The following MYO16 variants were observed in gnomAD, a reference collection of about 807,000 sequenced individuals.
The protein encoded by MYO16 is unconventional myosin-XVI.
In MYO16, 94 loss-of-function variants were observed where a neutral mutation model predicts 205.3. The observed-to-expected ratio is 0.46, with a 90% confidence interval of 0.39 to 0.54. The LOEUF is 0.54. Among genes scored for constraint, MYO16 ranks in the 20% least tolerant of loss-of-function variants. The pLI, the probability that MYO16 is intolerant of heterozygous loss-of-function variation, is 0.00. For missense variants in MYO16, 2,315 were observed against 2,387.5 expected (o/e 0.97, Z 0.63); for synonymous variants, 988 against 954.0 (o/e 1.04, Z -0.66).
chr13:109,031,341 C>T (rs558938547), intron 23 of MYO16, among the ~76,000 whole-genome samples: 73 of 152,262 alleles, frequency 4.8e-4, no homozygotes, highest in African/African-American at 1.6e-3. Flanking sequence ...ATCCACCTGC[C>T]TTGGCCTCCC....
chr13:108,866,636 A>G (rs1317766102), intron 12 of MYO16, among the ~76,000 whole-genome samples: 7 of 152,238 alleles, frequency 4.6e-5, no homozygotes, highest in Admixed American at 4.6e-4. Flanking sequence ...AAAGGGTAAT[A>G]TTGCATGTTT....
chr13:108,712,353 T>C (rs938401740), intron 2 of MYO16, among the ~76,000 whole-genome samples: 1 of 152,254 alleles, frequency 6.6e-6, no homozygotes, highest in Non-Finnish European at 1.5e-5. Context: ...ATCATTTTGC[T>C]TTTCTGTTCT....
chr13:108,907,092 GGGTGAGACAT>G (rs1261564425), intron 15 of MYO16, among the ~76,000 whole-genome samples: 5 of 152,138 alleles, frequency 3.3e-5, no homozygotes, highest in African/African-American at 1.2e-4. Context: ...ATAACTAGAT[GGGTGAGACAT>G]GGTGAGAGTG....
At chr13:108,522,674 T>C in the MYO16 span, among the ~76,000 whole-genome samples, 1 of 152,148 alleles carries the variant, frequency 6.6e-6, no homozygotes, top group Non-Finnish European at 1.5e-5. Flanking sequence ...CTTTCCTACC[T>C]TCTGGTGACT....
chr13:108,945,972 C>A (rs1882923948), intron 16 of MYO16, among the ~76,000 whole-genome samples: 1 of 152,206 alleles, frequency 6.6e-6, no homozygotes, highest in Non-Finnish European at 1.5e-5. Context: ...TGAAGCCAGA[C>A]TTCTGAGCTG....
chr13:108,876,286 A>G (rs1879320843), intron 12 of MYO16, among the ~76,000 whole-genome samples: 1 of 152,188 alleles, frequency 6.6e-6, no homozygotes, highest in African/African-American at 2.4e-5. Context: ...TTTTAAAAAC[A>G]TTTAAAATTA....
At position 108,812,630 on chromosome 13, in the gene MYO16, A is replaced by G. The variant is rs372089683; in HGVS notation, c.867+5826A>G. Among the ~76,000 whole-genome samples, 202 of 152,326 alleles carry G rather than the reference A, an allele frequency of 1.3e-3. 1 individual carries two copies. Among genetic ancestry groups the G allele is most frequent in the African/African-American group, 4.7e-3 (196 of 41,574 alleles). ...AATGAAAGGGATTTCAACCAAAGGC[A>G]ATATCTTGTGAGCAACACCGTATTT... is the stretch of plus-strand genomic sequence containing the variant. On this transcript the variant is annotated intron_variant, in intron 7 of 34. Transcript: ENST00000457511.
chr13:108,785,039 A>C (rs985423471), intron 4 of MYO16, among the ~76,000 whole-genome samples: 1 of 152,184 alleles, frequency 6.6e-6, no homozygotes, highest in African/African-American at 2.4e-5. Context: ...GGCCATATTT[A>C]ATACAGTCAG....
intron 9 of MYO16, among the ~76,000 whole-genome samples, chr13:108,835,130 A>G (rs1594330699): frequency 6.6e-6 from 1 of 152,036 alleles, no homozygotes; most frequent in Non-Finnish European, 1.5e-5. Flanking sequence ...TATGGTTTAG[A>G]TGTGTCCCCA....
intron 27 of MYO16, among the ~76,000 whole-genome samples, chr13:109,078,801 C>T (rs927499928): frequency 6.6e-6 from 1 of 152,114 alleles, no homozygotes; most frequent in Non-Finnish European, 1.5e-5. Context: ...GCAAAACAAT[C>T]GAGTTTTGTA....
intron 4 of MYO16, among the ~76,000 whole-genome samples, chr13:108,753,385 A>G (rs1885314875): frequency 6.6e-6 from 1 of 150,470 alleles, no homozygotes. Context: ...AAAAAAAAAA[A>G]AAAAAAAAAA....
At chr13:109,200,756 C>T (rs746666747) in intron 34 of MYO16, among the ~76,000 whole-genome samples, 2 of 151,292 alleles carry the variant, frequency 1.3e-5, no homozygotes, top group Admixed American at 1.3e-4. Flanking sequence ...AAGTCACTCT[C>T]AGCAGATTGG....
At chr13:108,972,577 T>A (rs1015796722) in intron 20 of MYO16, among the ~76,000 whole-genome samples, 2 of 150,278 alleles carry the variant, frequency 1.3e-5, no homozygotes, top group Non-Finnish European at 3.0e-5. Flanking sequence ...GATATTTTGT[T>A]CTTGGGAAAT....
At chr13:109,145,370 G>A (rs80022865) in intron 32 of MYO16, among the ~76,000 whole-genome samples, 8 of 149,396 alleles carry the variant, frequency 5.4e-5, no homozygotes, top group Non-Finnish European at 7.4e-5. Flanking sequence ...AAAAGAGACA[G>A]AAAAAAAAAA....
chr13:108,602,100 TGAAA>T (rs777843496), intron 1 of MYO16, among the ~76,000 whole-genome samples: 1 of 39,968 alleles, frequency 2.5e-5, no homozygotes, highest in Admixed American at 3.4e-4. Flanking sequence ...GAGGATATGA[TGAAA>T]AAAAAAAAAA....
At chr13:108,722,503 G>A (rs967800139) in intron 3 of MYO16, among the ~76,000 whole-genome samples, 3 of 152,130 alleles carry the variant, frequency 2.0e-5, no homozygotes, top group African/African-American at 7.2e-5. Flanking sequence ...GAGAGGGGCT[G>A]ATATCACTTT....
chr13:108,561,175 A>G, the MYO16 span, among the ~76,000 whole-genome samples: 1 of 152,232 alleles, frequency 6.6e-6, no homozygotes, highest in Admixed American at 6.5e-5. Flanking sequence ...AATGCAGTTT[A>G]TATTAACAAA....
intron 13 of MYO16, among the ~76,000 whole-genome samples, chr13:108,886,105 A>AGCCT (rs1354365065): frequency 3.3e-5 from 5 of 151,820 alleles, no homozygotes; most frequent in African/African-American, 2.4e-5. Context: ...CTCCTGCCTC[A>AGCCT]GCCTCCCGAA....
intron 4 of MYO16, among the ~76,000 whole-genome samples, chr13:108,765,422 C>T (rs1440960107): frequency 6.6e-6 from 1 of 152,208 alleles, no homozygotes; most frequent in African/African-American, 2.4e-5. Flanking sequence ...TTCTAAAAGT[C>T]AGGTCATCCC....
Sources: allele counts gnomAD v4.1 joint callset (sites outside exome capture counted in the v4.1 genomes callset), GRCh38; gene constraint gnomAD v4.1.1; transcripts MANE v1.5; gene names NCBI Gene and HGNC (gene_info 2026-07-23, HGNC 2026-07-21).